PHLDB2: variants seen among roughly 807,000 people sequenced by gnomAD.
PHLDB2 encodes pleckstrin homology like domain family B member 2.
Under a neutral mutation model 123.6 loss-of-function variants are expected in PHLDB2, and 71 were observed. That is an observed-to-expected ratio of 0.57 (90% CI 0.47 to 0.70). PHLDB2 has a LOEUF of 0.70. Among genes scored for constraint, PHLDB2 ranks in the 30% least tolerant of loss-of-function variants. The pLI is 0.00. For missense variants in PHLDB2, 1,446 were observed against 1,519.5 expected, an observed-to-expected ratio of 0.95 and a Z score of 0.80; for synonymous variants, 547 against 541.6, an observed-to-expected ratio of 1.01 and a Z score of -0.14.
At chr3:111,848,327 T>A (rs558888232) in intron 2 of PHLDB2, among the ~76,000 whole-genome samples, 2 of 152,318 alleles carry the variant, frequency 1.3e-5, no homozygotes, top group South Asian at 4.1e-4. Context: ...CCACTAGGGA[T>A]CCTTCAAAAC....
chr3:111,975,102 C>T lies in PHLDB2; in HGVS notation c.*539C>T, dbSNP rs2072449941. ...TACTGCACCAAAACCAAAGAGCTGA[C>T]CTGACTTCTGTGGAACAGTAGTAAC... On this transcript the variant is annotated 3_prime_UTR_variant, in exon 18 of 18. Coordinates refer to ENST00000431670, the MANE Select transcript of PHLDB2 (RefSeq NM_001134438.2). 1 of 152,504 alleles carries T rather than the reference C, an allele frequency of 6.6e-6. No individual in the cohort carries two copies. The highest frequency in any genetic ancestry group is 2.4e-5 in the African/African-American group (1 of 41,384). 9.4% of individuals were successfully genotyped at this position (152,504 alleles called of 1,614,324 possible).
At chr3:111,824,930 G>T (rs1223785867) in intron 1 of PHLDB2, among the ~76,000 whole-genome samples, 1 of 152,102 alleles carries the variant, frequency 6.6e-6, no homozygotes, top group Non-Finnish European at 1.5e-5. Context: ...TGGAAAAATT[G>T]TTCCTTATAT....
In PHLDB2 at chr3:111,848,074, G is replaced by T. The variant is rs2064082583; in HGVS notation, c.67+2139G>T. On this transcript the variant is annotated intron_variant, in intron 2 of 17. Coordinates refer to the PHLDB2 transcript ENST00000393923. The stretch of plus-strand genomic sequence containing the variant: ...CCAAAGGATACCTCTGTGTAGGTAG[G>T]CAGTATGCGACCCTCACCTTCCCCC... Among the ~76,000 whole-genome samples the T allele has an allele frequency of 2.6e-5, 4 of 152,054 alleles. No homozygotes were observed. In the South Asian group the frequency reaches 8.3e-4, roughly 32 times the overall value.
chr3:111,799,605 G>C (rs917776165), intron 1 of PHLDB2, among the ~76,000 whole-genome samples: 1 of 152,140 alleles, frequency 6.6e-6, no homozygotes, highest in Non-Finnish European at 1.5e-5. Flanking sequence ...ATGTGAAATT[G>C]TCTCAAAGAC....
At position 111,828,014 on chromosome 3, in the gene PHLDB2, A is replaced by G. The variant is rs560990745; in HGVS notation, c.-48-17807A>G. 7.2e-5 allele frequency among the ~76,000 whole-genome samples: 11 copies of G among 152,368 alleles called. No homozygotes were observed. The South Asian group carries it at 2.3e-3, about 32-fold the overall frequency. On this transcript the variant is annotated intron_variant, in intron 1 of 17. Coordinates refer to the PHLDB2 transcript ENST00000393923. The stretch of plus-strand genomic sequence containing the variant: ...GCAACAGAGGACTTCCTAAAACTGC[A>G]TTCCAAAATTAGGTAGACTAACAGC...
At position 111,948,863 on chromosome 3, in the gene PHLDB2, A is replaced by T. The variant is rs2070504477; in HGVS notation, c.2488-69A>T. 3 of 1,485,736 alleles carry T rather than the reference A, an allele frequency of 2.0e-6. No homozygotes were observed. The African/African-American group carries it at 4.1e-5, about 20-fold the overall frequency. 92.0% of individuals were successfully genotyped at this position (1,485,736 alleles called of 1,614,324 possible). ...TCTAAGCTAACTTCATTGTACTGGG[A>T]ACATTAATACTCTCGCATGCCTCAG... On this transcript the variant is annotated intron_variant, in intron 9 of 17. Coordinates refer to ENST00000431670, the MANE Select transcript of PHLDB2 (RefSeq NM_001134438.2).
chr3:111,795,168 T>G lies in PHLDB2; in HGVS notation c.-48-50653T>G, dbSNP rs536445999. On this transcript the variant is annotated intron_variant, in intron 1 of 17. Coordinates refer to the PHLDB2 transcript ENST00000393923. ...AAGGTATGTAAATGAAAGAAGTTCC[T>G]CAACCCTCAGAGTTGCACTTCTTTA... Among the ~76,000 whole-genome samples the G allele has an allele frequency of 7.1e-3, 1,081 of 152,306 alleles. 9 individuals carry two copies. The highest frequency in any genetic ancestry group is 0.024 in the African/African-American group (983 of 41,572).
At chr3:111,824,918 T>C (rs534591622) in intron 1 of PHLDB2, among the ~76,000 whole-genome samples, 1 of 152,286 alleles carries the variant, frequency 6.6e-6, no homozygotes, top group South Asian at 2.1e-4. Flanking sequence ...TCTTGAAAAA[T>C]GTGGAAAAAT....
chr3:111,868,545 TA>T (rs947011255), intron 1 of PHLDB2, among the ~76,000 whole-genome samples: 61 of 151,944 alleles, frequency 4.0e-4, no homozygotes, highest in African/African-American at 1.5e-3. Context: ...GTCTTTTTTT[TA>T]AAAAAAATAT....
Position 111,759,678 on chromosome 3 carries a change from C to A in PHLDB2, c.-49+26975C>A, listed in dbSNP as rs554170284. Among the ~76,000 whole-genome samples the A allele has an allele frequency of 2.0e-5, 3 of 152,256 alleles. No homozygotes were observed. In the South Asian group the frequency reaches 6.2e-4, roughly 32 times the overall value. On this transcript the variant is annotated intron_variant, in intron 1 of 17. Coordinates refer to the PHLDB2 transcript ENST00000393923. The stretch of plus-strand genomic sequence containing the variant: ...TAAAGGCCAGGTAATTGGACATTAT[C>A]CAAATCAGTCATCATGCAACCCTAT...
At chr3:111,756,347 G>A (rs1303334453) in intron 1 of PHLDB2, among the ~76,000 whole-genome samples, 1 of 152,038 alleles carries the variant, frequency 6.6e-6, no homozygotes, top group Admixed American at 6.6e-5. Context: ...CCTGTATTGG[G>A]TGCATATATA....
chr3:111,885,539 A>G (rs548444031), intron 2 of PHLDB2, 127 bp downstream of exon 2: 7 of 1,223,768 alleles, frequency 5.7e-6, no homozygotes, highest in African/African-American at 2.9e-5. Flanking sequence ...CACAGCTGCT[A>G]TCTTTCTCTT....
intron 1 of PHLDB2, among the ~76,000 whole-genome samples, chr3:111,744,510 G>A (rs982086220): frequency 2.0e-5 from 3 of 152,144 alleles, no homozygotes; most frequent in African/African-American, 7.2e-5. Flanking sequence ...ATTTTTGTAA[G>A]GTTTGTTTAT....
intron 1 of PHLDB2, among the ~76,000 whole-genome samples, chr3:111,759,274 G>A (rs939428691): frequency 6.6e-6 from 1 of 152,162 alleles, no homozygotes; most frequent in African/African-American, 2.4e-5. Flanking sequence ...GTATCAAGTG[G>A]GGATCCACTT....
At chr3:111,972,942 G>A (rs1462556783) in intron 16 of PHLDB2, among the ~76,000 whole-genome samples, 1 of 152,142 alleles carries the variant, frequency 6.6e-6, no homozygotes, top group Non-Finnish European at 1.5e-5. Context: ...AAAAGAGGCT[G>A]TCTTATTTGC....
chr3:111,827,384 G>T (rs2062706435), intron 1 of PHLDB2, among the ~76,000 whole-genome samples: 1 of 152,158 alleles, frequency 6.6e-6, no homozygotes, highest in Admixed American at 6.5e-5. Context: ...ACTCGGTTAA[G>T]GAAAGACCAG....
chr3:111,815,196 C>T (rs977169222), intron 1 of PHLDB2, among the ~76,000 whole-genome samples: 7 of 152,106 alleles, frequency 4.6e-5, no homozygotes, highest in African/African-American at 1.7e-4. Context: ...GTAAATTGCC[C>T]AGTCTCAGGT....
chr3:111,880,556 G>A (rs1042339731), intron 1 of PHLDB2, among the ~76,000 whole-genome samples: 13 of 152,088 alleles, frequency 8.5e-5, no homozygotes, highest in Admixed American at 2.0e-4. Flanking sequence ...CAGGGTTAGC[G>A]GCTTTATAGA....
intron 1 of PHLDB2, among the ~76,000 whole-genome samples, chr3:111,767,963 G>T (rs1431760074): frequency 6.6e-6 from 1 of 152,156 alleles, no homozygotes; most frequent in Non-Finnish European, 1.5e-5. Flanking sequence ...AAATTGTTAA[G>T]AGCTGGTAGG....
Sources: gnomAD v4.1 joint callset for allele counts (sites outside exome capture counted in the v4.1 genomes callset) on GRCh38, gnomAD v4.1.1 for gene constraint, MANE v1.5 for transcripts, NCBI Gene and HGNC (gene_info 2026-07-23, HGNC 2026-07-21) for gene names.